Variants in MICU1 observed in about 807,000 individuals in gnomAD.
MICU1 encodes the protein mitochondrial calcium uptake 1.
In MICU1, 45 loss-of-function variants were observed where a neutral mutation model predicts 56.8. The observed-to-expected ratio is 0.79, with a 90% CI of 0.62 to 1.02. MICU1 has a LOEUF of 1.02. Ranked by LOEUF, MICU1 falls within the 50% of genes least tolerant of loss-of-function variation. The pLI is 0.00. For missense variants in MICU1, 504 were observed against 587.1 expected (o/e 0.86, Z 1.46); for synonymous variants, 186 against 195.1 (o/e 0.95, Z 0.39).
chr10:72,490,200 A>G (rs1461874587), intron 6 of MICU1, among the ~76,000 whole-genome samples: 2 of 152,328 alleles, frequency 1.3e-5, no homozygotes, highest in African/African-American at 4.8e-5. Context: ...ATTAGACTGT[A>G]GCTGCTCTAC....
intron 8 of MICU1, among the ~76,000 whole-genome samples, chr10:72,440,753 A>G (rs1044575736): frequency 2.6e-5 from 4 of 152,228 alleles, no homozygotes; most frequent in African/African-American, 9.6e-5. Flanking sequence ...ATGAACAGAC[A>G]CTTCTCAAAA....
intron 8 of MICU1, among the ~76,000 whole-genome samples, chr10:72,439,316 T>C (rs1011486302): frequency 2.0e-5 from 3 of 152,162 alleles, no homozygotes; most frequent in Non-Finnish European, 4.4e-5. Flanking sequence ...ATTATCTCAA[T>C]AGATGCAGAA....
At chr10:72,474,969 TA>T in intron 8 of MICU1, 130 bp downstream of exon 8, 1 of 730,920 alleles carries the variant, frequency 1.4e-6, no homozygotes, top group Non-Finnish European at 2.2e-6. Flanking sequence ...TGTCAGTTTA[TA>T]AAGCACTGAT....
At chr10:72,588,260 AC>A (rs1841120867) in intron 1 of MICU1, among the ~76,000 whole-genome samples, 1 of 151,496 alleles carries the variant, frequency 6.6e-6, no homozygotes, top group African/African-American at 2.4e-5. Context: ...CAGCCATGCT[AC>A]CTGTACAGCC....
At chr10:72,380,281 C>A (rs760909411) in intron 10 of MICU1, among the ~76,000 whole-genome samples, 6 of 152,166 alleles carry the variant, frequency 3.9e-5, no homozygotes, top group African/African-American at 7.2e-5. Context: ...CTAAATACTA[C>A]GTATTTTTGT....
At chr10:72,420,484 G>A (rs1038822867) in intron 9 of MICU1, among the ~76,000 whole-genome samples, 1 of 152,082 alleles carries the variant, frequency 6.6e-6, no homozygotes, top group African/African-American at 2.4e-5. Context: ...GTCTTTATTA[G>A]CAGCATGAGA....
intron 1 of MICU1, among the ~76,000 whole-genome samples, chr10:72,577,801 T>A (rs1840788610): frequency 6.6e-6 from 1 of 152,174 alleles, no homozygotes; most frequent in Admixed American, 6.5e-5. Flanking sequence ...GATGAAGAGT[T>A]CATCCATGTT....
intron 4 of MICU1, among the ~76,000 whole-genome samples, chr10:72,541,303 C>A (rs1839768257): frequency 6.6e-6 from 1 of 152,204 alleles, no homozygotes; most frequent in South Asian, 2.1e-4. Flanking sequence ...ATGGAAGAGG[C>A]CTGAATTCCA....
chr10:72,514,464 T>A (rs1437858780), intron 5 of MICU1, among the ~76,000 whole-genome samples: 1 of 152,148 alleles, frequency 6.6e-6, no homozygotes, highest in Non-Finnish European at 1.5e-5. Flanking sequence ...TTCTTCCCCT[T>A]CCTCAGGGTT....
At chr10:72,569,606 T>C (rs1398623937) in intron 1 of MICU1, among the ~76,000 whole-genome samples, 3 of 152,086 alleles carry the variant, frequency 2.0e-5, no homozygotes, top group African/African-American at 7.2e-5. Context: ...AAAGATAAAG[T>C]TGAGACTGGG....
intron 1 of MICU1, among the ~76,000 whole-genome samples, chr10:72,580,448 GATTT>G (rs796659430): frequency 8.9e-5 from 13 of 146,118 alleles, no homozygotes; most frequent in African/African-American, 3.0e-4. Flanking sequence ...AGCTTTTGCT[GATTT>G]ATTTATTTAT....
At chr10:72,381,545 T>C (rs1350340448) in intron 10 of MICU1, among the ~76,000 whole-genome samples, 1 of 152,126 alleles carries the variant, frequency 6.6e-6, no homozygotes, top group Non-Finnish European at 1.5e-5. Context: ...CCAAGAGCAA[T>C]GCAGCCTACA....
At chr10:72,512,144 G>A (rs908754660) in intron 5 of MICU1, among the ~76,000 whole-genome samples, 4 of 96,676 alleles carry the variant, frequency 4.1e-5, no homozygotes, top group African/African-American at 1.8e-4. Context: ...ACGGAGTCTC[G>A]TTTTGTCGCC....
chr10:72,580,466 A>AT (rs1564945454), intron 1 of MICU1, among the ~76,000 whole-genome samples: 1 of 107,632 alleles, frequency 9.3e-6, no homozygotes, highest in Non-Finnish European at 2.2e-5. Context: ...TATTTATTTA[A>AT]TTAATTAATT....
At chr10:72,370,201 C>T (rs1407419842) in intron 11 of MICU1, among the ~76,000 whole-genome samples, 3 of 151,934 alleles carry the variant, frequency 2.0e-5, no homozygotes, top group Non-Finnish European at 2.9e-5. Context: ...AATTAGAAAC[C>T]ACCCAAGCCA....
At chr10:72,589,955 A>G (rs1472494201) in intron 1 of MICU1, among the ~76,000 whole-genome samples, 1 of 152,130 alleles carries the variant, frequency 6.6e-6, no homozygotes, top group Non-Finnish European at 1.5e-5. Context: ...GCAATACACT[A>G]AAACGCCTGT....
At chr10:72,447,905 A>C (rs1865155508) in intron 8 of MICU1, among the ~76,000 whole-genome samples, 1 of 152,052 alleles carries the variant, frequency 6.6e-6, no homozygotes, top group Admixed American at 6.6e-5. Context: ...GCCTACACTA[A>C]AAACCTACAT....
intron 1 of MICU1, among the ~76,000 whole-genome samples, chr10:72,575,486 A>T (rs912383471): frequency 2.6e-5 from 4 of 152,140 alleles, no homozygotes; most frequent in African/African-American, 9.7e-5. Flanking sequence ...CTTCATGGAG[A>T]TTGCATTTTT....
chr10:72,489,626 T>C lies in MICU1; in HGVS notation c.653-12370A>G, dbSNP rs577048007. Among the ~76,000 whole-genome samples the C allele has an allele frequency of 5.3e-5, 8 of 152,334 alleles. No homozygotes were observed. In the East Asian group the frequency reaches 1.5e-3, roughly 29 times the overall value. ...ACTTTGCAAACTTAAGTCTCTGGAATATAAAACTCATTTTTATATTTAAAA... is the reference window on the plus strand; with the variant it reads ...ACTTTGCAAACTTAAGTCTCTGGAACATAAAACTCATTTTTATATTTAAAA... On this transcript the variant is annotated intron_variant, in intron 6 of 11. Transcript: ENST00000361114.
Sources: allele counts gnomAD v4.1 joint callset (sites outside exome capture counted in the v4.1 genomes callset), GRCh38; gene constraint gnomAD v4.1.1; transcripts MANE v1.5; gene names NCBI Gene and HGNC (gene_info 2026-07-23, HGNC 2026-07-21).